Variants in ZMYND12 observed in about 807,000 individuals in gnomAD.
The protein encoded by ZMYND12 is zinc finger MYND domain-containing protein 12.
Under a neutral mutation model 41.7 loss-of-function variants are expected in ZMYND12, and 32 were observed. The observed-to-expected ratio is 0.77, with a 90% CI of 0.58 to 1.03. The LOEUF (loss-of-function observed/expected upper bound fraction) is 1.03. Ranked by LOEUF, ZMYND12 falls within the 50% of genes least tolerant of loss-of-function variation. ZMYND12 has a pLI of 0.00. For missense variants in ZMYND12, 424 were observed against 438.5 expected, an observed-to-expected ratio of 0.97 and a Z score of 0.30; for synonymous variants, 148 against 164.8, an observed-to-expected ratio of 0.90 and a Z score of 0.78.
intron 3 of ZMYND12, among the ~76,000 whole-genome samples, chr1:42,443,456 T>C (rs574663565): frequency 3.3e-5 from 5 of 152,180 alleles, no homozygotes; most frequent in Non-Finnish European, 7.4e-5. Context: ...GTCTGAAGGG[T>C]GAGGCAACAG....
At chr1:42,435,125 C>T (rs186394293) in intron 6 of ZMYND12, 149 bp downstream of exon 6, 281 of 635,538 alleles carry the variant, frequency 4.4e-4, no homozygotes, top group African/African-American at 4.3e-3. Flanking sequence ...CTTTGATCCC[C>T]GTGTCTCAGT....
intron 1 of ZMYND12, among the ~76,000 whole-genome samples, chr1:42,454,497 T>C (rs1157635826): frequency 6.6e-6 from 1 of 152,202 alleles, no homozygotes; most frequent in Non-Finnish European, 1.5e-5. Context: ...CTTGATCTGT[T>C]ATGCAGCCGT....
At chr1:42,454,595 A>T (rs1643125710) in intron 1 of ZMYND12, among the ~76,000 whole-genome samples, 1 of 152,110 alleles carries the variant, frequency 6.6e-6, no homozygotes, top group Non-Finnish European at 1.5e-5. Flanking sequence ...AAAACCATTC[A>T]TGGTTTCCCA....
intron 3 of ZMYND12, among the ~76,000 whole-genome samples, chr1:42,443,836 C>T (rs1288358779): frequency 6.6e-6 from 1 of 152,090 alleles, no homozygotes; most frequent in Non-Finnish European, 1.5e-5. Flanking sequence ...ATCCCTGACT[C>T]CAAGAAGCTT....
intron 3 of ZMYND12, among the ~76,000 whole-genome samples, chr1:42,443,259 C>A (rs1380706787): frequency 6.6e-6 from 1 of 152,186 alleles, no homozygotes; most frequent in African/African-American, 2.4e-5. Flanking sequence ...AGATTACAGT[C>A]AGAACTAAGC....
At chr1:42,434,060 T>G (rs1291702531) in intron 6 of ZMYND12, among the ~76,000 whole-genome samples, 1 of 152,212 alleles carries the variant, frequency 6.6e-6, no homozygotes, top group Non-Finnish European at 1.5e-5. Context: ...CAAAGAGTCT[T>G]CCTTCTTCAA....
intron 1 of ZMYND12, among the ~76,000 whole-genome samples, chr1:42,452,774 T>C (rs896472676): frequency 6.6e-6 from 1 of 152,190 alleles, no homozygotes; most frequent in Non-Finnish European, 1.5e-5. Context: ...TCTCTGAGAA[T>C]GGTCATAATC....
rs953646790 is a variant in ZMYND12 at position 42,449,903 on chromosome 1, T to C, written c.252+15A>G. On this transcript the variant is annotated intron_variant, in intron 2 of 7. Transcript: ENST00000372565. ...GCACCTACGACTTAACCTTGGAAAG[T>C]GCCGTAGGCCCTACCTGCCGCTGCT... 1.2e-6 allele frequency: 2 copies of C among 1,608,116 alleles called. No individual in the cohort carries two copies. The highest frequency in any genetic ancestry group is 2.7e-5 in the African/African-American group (2 of 74,924).
At chr1:42,453,206 C>CA (rs1160823131) in intron 1 of ZMYND12, among the ~76,000 whole-genome samples, 1 of 149,602 alleles carries the variant, frequency 6.7e-6, no homozygotes, top group Non-Finnish European at 1.5e-5. Context: ...GAAAAGGAAG[C>CA]AAAAAAACAA....
intron 1 of ZMYND12, among the ~76,000 whole-genome samples, chr1:42,452,054 ATGT>A (rs1396907879): frequency 6.6e-6 from 1 of 152,112 alleles, no homozygotes; most frequent in African/African-American, 2.4e-5. Context: ...GGCTATTATC[ATGT>A]TTTTTTTTAA....
At position 42,440,014 on chromosome 1, in the gene ZMYND12, T is replaced by A; in HGVS notation, c.436A>T (p.Ile146Phe). The A allele has an allele frequency of 1.2e-6, 2 of 1,610,214 alleles. No individual in the cohort carries two copies. Among genetic ancestry groups the A allele is most frequent in the Non-Finnish European group, 1.7e-6 (2 of 1,178,836 alleles). ...LAEASLGLGRIVQAEEYLFQA... is the reference protein window; with the variant it reads ...LAEASLGLGRFVQAEEYLFQA... ...AATAGATATTCTTCAGCCTGAACGA[T>A]TCGGCCCAGACCTGCCCAAAAGCAG... The change falls in exon 4 of 8, where the codon ATC (isoleucine) becomes TTC (phenylalanine). Residue 146 changes from isoleucine to phenylalanine, a missense_variant. Coordinates refer to ENST00000372565, the MANE Select transcript of ZMYND12 (RefSeq NM_032257.5).
intron 1 of ZMYND12, among the ~76,000 whole-genome samples, chr1:42,450,652 A>C (rs1180493225): frequency 6.6e-6 from 1 of 152,174 alleles, no homozygotes; most frequent in East Asian, 1.9e-4. Flanking sequence ...TAGTTTCTTA[A>C]GATGAAATGC....
chr1:42,451,635 T>C (rs561539650), intron 1 of ZMYND12, among the ~76,000 whole-genome samples: 82 of 152,338 alleles, frequency 5.4e-4, no homozygotes, highest in African/African-American at 1.6e-3. Context: ...TGCCACCTTC[T>C]TGGACAATAG....
In ZMYND12 at chr1:42,430,635, C is replaced by A; in HGVS notation, c.*101G>T. 2 of 1,482,068 alleles carry A rather than the reference C, an allele frequency of 1.3e-6. No individual in the cohort carries two copies. The highest frequency in any genetic ancestry group is 2.6e-5 in the South Asian group (2 of 75,978). 91.8% of individuals were successfully genotyped at this position (1,482,068 alleles called of 1,614,324 possible). A position where few individuals can be genotyped will look rare whatever the true frequency, so the allele number is the denominator to read the frequency against. On this transcript the variant is annotated 3_prime_UTR_variant, in exon 8 of 8. Transcript: ENST00000372565. ...CAATCCCAGGGGAAGAGGGTGGAAA[C>A]TTCAGCAGTCTACAGTACCTCAAAG...
chr1:42,455,840 A>G, intron 1 of ZMYND12, 48 bp downstream of exon 1: 1 of 1,421,614 alleles, frequency 7.0e-7, no homozygotes, highest in Non-Finnish European at 9.7e-7. Flanking sequence ...CGGGAAAGGG[A>G]GAGAGGGAGG....
At chr1:42,437,958 G>A (rs1642926076) in intron 4 of ZMYND12, among the ~76,000 whole-genome samples, 1 of 152,198 alleles carries the variant, frequency 6.6e-6, no homozygotes, top group Non-Finnish European at 1.5e-5. Context: ...TTACAGGCGT[G>A]AGCCACTGCG....
chr1:42,437,387 A>G (rs932061246), intron 4 of ZMYND12, among the ~76,000 whole-genome samples: 3 of 151,966 alleles, frequency 2.0e-5, no homozygotes, highest in African/African-American at 7.3e-5. Flanking sequence ...GCTAAAAATA[A>G]TTTAATTGTA....
chr1:42,450,037 C>T lies in ZMYND12; in HGVS notation c.133G>A (p.Asp45Asn). The change falls in exon 2 of 8, where the codon GAC (aspartate) becomes AAC (asparagine). Residue 45 changes from aspartate (D) to asparagine (N), a missense_variant. Physicochemically the swap from Asp to Asn is conservative, Grantham distance 23 (BLOSUM62 1). Transcript: ENST00000372565. ...ATTTTCTCATGGATGCTGTCCCAGT[C>T]AGCCTTCTGATGTACCACCCCACTG... The part of the protein sequence containing the change: ...YYCGVVHQKA[D>N]WDSIHEKICQ... 6.2e-7 allele frequency: 1 copy of T among 1,613,900 alleles called. No individual in the cohort carries two copies. Among genetic ancestry groups the T allele is most frequent in the South Asian group, 1.1e-5 (1 of 91,070 alleles).
intron 3 of ZMYND12, among the ~76,000 whole-genome samples, chr1:42,445,297 G>A (rs1213534304): frequency 2.0e-5 from 3 of 151,762 alleles, no homozygotes; most frequent in African/African-American, 7.2e-5. Context: ...GCTGGGCGTG[G>A]TGGTGCGTGC....
Sources: gnomAD v4.1 joint callset for allele counts (sites outside exome capture counted in the v4.1 genomes callset) on GRCh38, gnomAD v4.1.1 for gene constraint, MANE v1.5 for transcripts, NCBI Gene and HGNC (gene_info 2026-07-23, HGNC 2026-07-21) for gene names.